The following ASTN2 variants were observed in gnomAD, a reference collection of about 807,000 sequenced individuals.
ASTN2 encodes the protein astrotactin-2.
A neutral mutation model predicts 139.8 loss-of-function variants in ASTN2; 54 were observed. The ratio of observed to expected loss-of-function variants is 0.39; its 90% CI spans 0.31 to 0.48. The LOEUF is 0.48. Ranked by LOEUF, ASTN2 falls within the 20% of genes least tolerant of loss-of-function variation. The pLI is 0.95. For missense variants in ASTN2, 1,565 were observed against 1,725.1 expected (o/e 0.91, Z 1.64); for synonymous variants, 756 against 719.5 (o/e 1.05, Z -0.81).
chr9:117,295,457 T>C (rs1000035249), intron 1 of ASTN2, among the ~76,000 whole-genome samples: 1 of 152,156 alleles, frequency 6.6e-6, no homozygotes, highest in African/African-American at 2.4e-5. Flanking sequence ...TTTCCTGCCA[T>C]CTCTCACGCA....
chr9:116,502,261 C>T (rs1433418995), intron 19 of ASTN2, among the ~76,000 whole-genome samples: 1 of 150,526 alleles, frequency 6.6e-6, no homozygotes, highest in East Asian at 2.0e-4. Flanking sequence ...GAGACACACA[C>T]AAAAAACAAA....
At chr9:117,375,818 C>A (rs1830107653) in intron 1 of ASTN2, among the ~76,000 whole-genome samples, 1 of 152,166 alleles carries the variant, frequency 6.6e-6, no homozygotes. Flanking sequence ...ATCAAGGTGT[C>A]AGCAGGGCTG....
intron 1 of ASTN2, among the ~76,000 whole-genome samples, chr9:117,321,460 T>C (rs1176940379): frequency 1.3e-5 from 2 of 152,186 alleles, no homozygotes. Context: ...ACTCCCACCA[T>C]TCTTTGCTAA....
chr9:117,178,839 C>T (rs1303930368), intron 3 of ASTN2, among the ~76,000 whole-genome samples: 1 of 152,200 alleles, frequency 6.6e-6, no homozygotes, highest in Non-Finnish European at 1.5e-5. Context: ...AGTTATTAGA[C>T]ACACATGGCT....
chr9:117,172,847 A>G (rs1187573726), intron 3 of ASTN2, among the ~76,000 whole-genome samples: 1 of 152,184 alleles, frequency 6.6e-6, no homozygotes, highest in Non-Finnish European at 1.5e-5. Flanking sequence ...TCTGGTTTCC[A>G]TGGAGCTTTC....
rs1182257457 is a variant in ASTN2, at chr9:116,698,938, C to T, written c.2806+26833G>A. On this transcript the variant is annotated intron_variant, in intron 16 of 22. Coordinates refer to ENST00000313400, the MANE Select transcript of ASTN2 (RefSeq NM_001365068.1). This position sits in a 1 kb window ranked among gnomAD's most constrained non-coding sequence, Gnocchi z 4.4. ...GGTAACTATCGTATACAAGTCTTTA[C>T]CCGCAAAGGCTTTTTGAAGGAAATC... 4.3e-6 allele frequency: 7 copies of T among 1,614,064 alleles called. No individual in the cohort carries two copies. Among genetic ancestry groups the T allele is most frequent in the Non-Finnish European group, 5.9e-6 (7 of 1,180,044 alleles).
At chr9:117,064,190 C>T (rs1827864008) in intron 5 of ASTN2, among the ~76,000 whole-genome samples, 1 of 151,758 alleles carries the variant, frequency 6.6e-6, no homozygotes. Flanking sequence ...AAATCAAATA[C>T]CAATTAAAGA....
intron 3 of ASTN2, among the ~76,000 whole-genome samples, chr9:117,161,007 T>C (rs1006380348): frequency 2.6e-5 from 4 of 152,026 alleles, no homozygotes; most frequent in African/African-American, 9.7e-5. Flanking sequence ...AAAGTAGTGA[T>C]GACATTTTCT....
chr9:117,403,741 G>C (rs1830903674), intron 1 of ASTN2, among the ~76,000 whole-genome samples: 2 of 152,116 alleles, frequency 1.3e-5, no homozygotes, highest in African/African-American at 4.8e-5. Context: ...AGAAGGGAGA[G>C]GATTCTGCCC....
chr9:117,214,086 A>G (rs933634820), intron 3 of ASTN2, among the ~76,000 whole-genome samples: 1 of 152,152 alleles, frequency 6.6e-6, no homozygotes. Flanking sequence ...AAAGGAGGTA[A>G]TCAAGAGACA....
rs58499034 is a variant in ASTN2, at chr9:117,225,574, T to TACAC, written c.631-10833_631-10832insGTGT. On this transcript the variant is annotated intron_variant, in intron 2 of 22. Transcript: ENST00000313400. Reference sequence around the variant, plus strand: ...ATATATATATATATATATATATATATACAGATGAACCCAAGTGGCCAGAGA... The same window carrying TACAC: ...ATATATATATATATATATATATATATACACACAGATGAACCCAAGTGGCCAGAGA... Among the ~76,000 whole-genome samples the TACAC allele has an allele frequency of 1.9e-4, 15 of 77,942 alleles. 2 individuals are homozygous for TACAC. The highest frequency in any genetic ancestry group is 3.9e-4 in the Non-Finnish European group (15 of 38,354). The allele number at this position is 77,942 out of a possible 152,430, so 51.1% of individuals were successfully genotyped here. A position where few individuals can be genotyped will look rare whatever the true frequency, so the allele number is the denominator to read the frequency against.
chr9:116,820,753 C>T lies in ASTN2; in HGVS notation c.2071G>A (p.Gly691Ser), dbSNP rs1230493545. 2 of 1,614,094 alleles carry T rather than the reference C, an allele frequency of 1.2e-6. No homozygotes were observed. The change falls in exon 12 of 23, where the codon GGC (glycine) becomes AGC (serine). Residue 691 changes from glycine (G) to serine (S), a missense_variant. By Grantham distance (56) the Gly-to-Ser change is moderately conservative. Transcript: ENST00000313400. The stretch of plus-strand genomic sequence containing the variant: ...TTGGAGTGGTCGTAGCAGCCAGAGC[C>T]ATCCTTCATGGGTTTCAGCTCCTCA... The part of the protein sequence containing the change: ...CPEELKPMKD[G>S]SGCYDHSKGI...
chr9:117,100,217 A>G (rs979699426), intron 4 of ASTN2, among the ~76,000 whole-genome samples: 9 of 152,206 alleles, frequency 5.9e-5, no homozygotes, highest in Middle Eastern at 3.2e-3. Context: ...GGGTTTCCAT[A>G]AAGGCTTTCC....
chr9:117,079,250 G>T (rs151187138), intron 5 of ASTN2, among the ~76,000 whole-genome samples: 2 of 152,260 alleles, frequency 1.3e-5, no homozygotes, highest in Non-Finnish European at 2.9e-5. Context: ...TAGCTTCTTG[G>T]GGGGCTGGGG....
rs1828832344 is a variant in ASTN2 at position 117,096,047 on chromosome 9, T to G, written c.1273A>C (p.Lys425Gln). The G allele has an allele frequency of 1.9e-6, 3 of 1,613,946 alleles. No homozygotes were observed. The highest frequency in any genetic ancestry group is 2.2e-5 in the East Asian group (1 of 44,864). ...AACCTTCCAAGGACACTATTACCTT[T>G]GCTGCGGCGGCGACTGCGGTACTGC... ...TEQYRSRRRS[K>Q]GLLKSPVNKT... The change falls in exon 5 of 23, where the codon AAA becomes CAA. Residue 425 changes from lysine to glutamine, a missense_variant. Around this residue, in one of 4 missense-constraint regions of ASTN2, gnomAD observed 596 missense variants for 576.8 expected, o/e 1.03. Coordinates refer to ENST00000313400, the MANE Select transcript of ASTN2 (RefSeq NM_001365068.1).
chr9:117,109,157 CT>C (rs1438675438), intron 4 of ASTN2, among the ~76,000 whole-genome samples: 1 of 112,138 alleles, frequency 8.9e-6, no homozygotes, highest in African/African-American at 3.3e-5. Context: ...AGATACATGC[CT>C]GTAATTCCAG....
chr9:117,116,575 A>G (rs1829396913), intron 4 of ASTN2, among the ~76,000 whole-genome samples: 1 of 114,268 alleles, frequency 8.8e-6, no homozygotes, highest in African/African-American at 4.2e-5. Flanking sequence ...AGATTTCATC[A>G]AAAGTTTTTT....
chr9:117,067,124 G>T (rs1188318456), intron 5 of ASTN2, among the ~76,000 whole-genome samples: 14 of 56,820 alleles, frequency 2.5e-4, no homozygotes, highest in African/African-American at 8.7e-4. Flanking sequence ...TTCTTCTAGG[G>T]TTTTTATGGT....
At chr9:116,463,245 A>G (rs1442244041) in intron 20 of ASTN2, among the ~76,000 whole-genome samples, 1 of 151,986 alleles carries the variant, frequency 6.6e-6, no homozygotes, top group African/African-American at 2.4e-5. Flanking sequence ...CTTACATCCC[A>G]CACCACCCTA....
Sources: gnomAD v4.1 joint callset for allele counts (sites outside exome capture counted in the v4.1 genomes callset) on GRCh38, gnomAD v4.1.1 for gene constraint, gnomAD v4.1.1 regional missense constraint, Gnocchi (gnomAD v3.1) non-coding constraint, MANE v1.5 for transcripts, NCBI Gene and HGNC (gene_info 2026-07-23, HGNC 2026-07-21) for gene names.